TBC1D25: variants seen among roughly 807,000 people sequenced by gnomAD.
The protein encoded by TBC1D25 is 5SN3 snoRNA.
In TBC1D25, 13 loss-of-function variants were observed where a neutral mutation model predicts 38.8. The ratio of observed to expected loss-of-function variants is 0.34; its 90% CI spans 0.22 to 0.53. The LOEUF is 0.53. Among genes scored for constraint, TBC1D25 ranks in the 20% least tolerant of loss-of-function variants. TBC1D25 has a pLI of 0.94. For missense variants in TBC1D25, 372 were observed against 600.0 expected (o/e 0.62, Z 3.97); for synonymous variants, 225 against 255.6 (o/e 0.88, Z 1.14).
rs782173319 is a variant in TBC1D25 at position 48,552,353 on chromosome X, A to AT, written c.389-6525dup. Among the ~76,000 whole-genome samples, 235 of 80,236 alleles carry AT rather than the reference A, an allele frequency of 2.9e-3. 3 individuals carry two copies. Among genetic ancestry groups the AT allele is most frequent in the Middle Eastern group, 6.6e-3 (1 of 151 alleles). The allele number at this position is 80,236 out of a possible 115,157, so 69.7% of individuals were successfully genotyped here. A position where few individuals can be genotyped will look rare whatever the true frequency, so the allele number is the denominator to read the frequency against. On this transcript the variant is annotated intron_variant, in intron 3 of 5. Transcript: ENST00000376771. ...AGGCACACACCATCATGCCCGGCTA[A>AT]TTTTTTTTTTTTTTTTTTTGAGATG...
At chrX:48,540,412 A>C (rs1260276687) in intron 1 of TBC1D25, among the ~76,000 whole-genome samples, 3 of 112,367 alleles carry the variant, frequency 2.7e-5, no homozygotes, top group Non-Finnish European at 5.6e-5. Context: ...ACGTTAGCCA[A>C]GGTTGTACAG....
chrX:48,551,296 AGTTTGT>A (rs1280219560), intron 3 of TBC1D25, among the ~76,000 whole-genome samples: 1 of 108,727 alleles, frequency 9.2e-6, no homozygotes, highest in Non-Finnish European at 1.9e-5. Context: ...CTACTAGGTG[AGTTTGT>A]GTTTGTAGAC....
intron 3 of TBC1D25, among the ~76,000 whole-genome samples, chrX:48,547,703 G>A (rs368577712): frequency 4.5e-5 from 5 of 111,810 alleles, no homozygotes; most frequent in Admixed American, 1.9e-4. Flanking sequence ...TTGGGAGGCC[G>A]AGGCGGGTGG....
chrX:48,544,950 C>T lies in TBC1D25; in HGVS notation c.315C>T (p.Asp105=). The change falls in exon 3 of 6, where the codon GAC becomes GAT. Residue 105 remains aspartate, a synonymous_variant. Transcript: ENST00000376771. The part of the protein sequence containing the change: ...EVYLSLLSDW[D]LSTAFATASK... ...ACCTCTCACTTCTATCTGACTGGGA[C>T]CTCAGCACAGCCTTTGCCACTGCCT... is the stretch of plus-strand genomic sequence containing the variant. 1 of 1,211,909 alleles carries T rather than the reference C, an allele frequency of 8.3e-7. No individual in the cohort carries two copies. The highest frequency in any genetic ancestry group is 1.1e-6 in the Non-Finnish European group (1 of 895,559).
chrX:48,540,286 G>A (rs1556979887), intron 1 of TBC1D25, among the ~76,000 whole-genome samples: 1 of 111,742 alleles, frequency 8.9e-6, no homozygotes, highest in African/African-American at 3.3e-5. Context: ...TGTTGAGAGT[G>A]CACTTATGTG....
Position 48,547,592 on chromosome X carries a change from GAGAC to G in TBC1D25, c.388+2577_388+2580del, listed in dbSNP as rs199927103. Among the ~76,000 whole-genome samples, 493 of 112,321 alleles carry G rather than the reference GAGAC, an allele frequency of 4.4e-3. 14 individuals carry two copies. The highest frequency in any genetic ancestry group is 0.04 in the Admixed American group (421 of 10,484). On this transcript the variant is annotated intron_variant, in intron 3 of 5. Coordinates refer to ENST00000376771, the MANE Select transcript of TBC1D25 (RefSeq NM_002536.4). ...CTGGGACGAATGCCAGTAAAGCAGA[GAGAC>G]AGACAGAAAGACACCCAGTAGTCTG...
At chrX:48,550,069 C>T (rs1029993463) in intron 3 of TBC1D25, among the ~76,000 whole-genome samples, 10 of 109,997 alleles carry the variant, frequency 9.1e-5, no homozygotes, top group Admixed American at 6.9e-4. Flanking sequence ...TCACTGCAGC[C>T]GCCGTCTCCT....
chrX:48,552,603 G>A (rs781822243), intron 3 of TBC1D25, among the ~76,000 whole-genome samples: 4 of 109,530 alleles, frequency 3.7e-5, no homozygotes, highest in Admixed American at 9.9e-5. Context: ...TGCCTGCCTC[G>A]GCCTCCCAAA....
Position 48,558,972 on chromosome X carries a change from G to A in TBC1D25, c.464G>A (p.Arg155Gln), listed in dbSNP as rs782266366. The part of the protein sequence containing the change: ...IGSDVLLAEK[R>Q]SSLTTAALPF... ...TCCGACGTGTTGCTGGCTGAGAAAC[G>A]GTCATCACTGACGACTGCCGCCCTG... The change falls in exon 4 of 6, where the codon CGG (arginine) becomes CAG (glutamine). Residue 155 changes from arginine (R) to glutamine (Q), a missense_variant. Physicochemically the swap from Arg to Gln is conservative, Grantham distance 43. Coordinates refer to ENST00000376771, the MANE Select transcript of TBC1D25 (RefSeq NM_002536.4). 5.0e-6 allele frequency: 6 copies of A among 1,209,619 alleles called. No homozygotes were observed. The highest frequency in any genetic ancestry group is 3.5e-5 in the South Asian group (2 of 56,807).
chrX:48,546,303 G>A (rs1401274003), intron 3 of TBC1D25, among the ~76,000 whole-genome samples: 1 of 107,969 alleles, frequency 9.3e-6, no homozygotes, highest in African/African-American at 3.4e-5. Flanking sequence ...CACAAGGTCA[G>A]GAGATCGAGA....
At chrX:48,556,171 G>A (rs2061973483) in intron 3 of TBC1D25, among the ~76,000 whole-genome samples, 2 of 110,341 alleles carry the variant, frequency 1.8e-5, no homozygotes, top group Admixed American at 9.8e-5. Context: ...CTCAGTGAGG[G>A]GAAACTTTGG....
chrX:48,555,637 G>T (rs1602115169), intron 3 of TBC1D25, among the ~76,000 whole-genome samples: 1 of 110,943 alleles, frequency 9.0e-6, no homozygotes, highest in East Asian at 2.9e-4. Flanking sequence ...GTGGGCCCAG[G>T]GTACCGGCAC....
chrX:48,541,270 C>A, intron 1 of TBC1D25, 63 bp from the exon 2 acceptor site: 1 of 1,017,672 alleles, frequency 9.8e-7, no homozygotes, highest in Non-Finnish European at 1.4e-6. Context: ...TACCACTCTG[C>A]ACCTCACTCT....
At chrX:48,553,149 C>T (rs1307735816) in intron 3 of TBC1D25, among the ~76,000 whole-genome samples, 2 of 110,052 alleles carry the variant, frequency 1.8e-5, no homozygotes, top group African/African-American at 6.6e-5. Flanking sequence ...CACACTAAGT[C>T]ACTTATGTTT....
chrX:48,555,643 G>A (rs782170372), intron 3 of TBC1D25, among the ~76,000 whole-genome samples: 7 of 110,814 alleles, frequency 6.3e-5, no homozygotes, highest in South Asian at 7.7e-4. Context: ...CCAGGGTACC[G>A]GCACACTCAG....
chrX:48,541,486 T>A, intron 2 of TBC1D25, 44 bp downstream of exon 2: 1 of 1,126,784 alleles, frequency 8.9e-7, no homozygotes. Context: ...GCCACCGACC[T>A]CTACAGTGGC....
At position 48,539,926 on chromosome X, in the gene TBC1D25, G is replaced by T; in HGVS notation, c.123+6G>T. On this transcript the variant is annotated splice_donor_region_variant and intron_variant, in intron 1 of 5. Transcript: ENST00000376771. ...TGGTGCGGGTCCGAGTCAAGGTGAG[G>T]CTGGCGGTGAGTCGGCCCAGCCGCC... The T allele has an allele frequency of 7.4e-6, 7 of 951,283 alleles. No individual in the cohort carries two copies. Among genetic ancestry groups the T allele is most frequent in the Non-Finnish European group, 9.2e-6 (7 of 759,185 alleles). The allele number at this position is 951,283 out of a possible 1,213,427, so 78.4% of individuals were successfully genotyped here.
At position 48,539,759 on chromosome X, in the gene TBC1D25, G is replaced by C; in HGVS notation, c.-39G>C. The C allele has an allele frequency of 1.1e-6, 1 of 945,477 alleles. No homozygotes were observed. The highest frequency in any genetic ancestry group is 1.3e-6 in the Non-Finnish European group (1 of 757,989). The allele number at this position is 945,477 out of a possible 1,213,427, so 77.9% of individuals were successfully genotyped here. A position where few individuals can be genotyped will look rare whatever the true frequency, so the allele number is the denominator to read the frequency against. ...AGTAGAGTGTGCGCCGGGGTGGGGG[G>C]CAACGGTCAGCCGTCACCCTGAGAC... On this transcript the variant is annotated 5_prime_UTR_variant, in exon 1 of 6. Coordinates refer to ENST00000376771, the MANE Select transcript of TBC1D25 (RefSeq NM_002536.4).
chrX:48,541,165 GC>G, intron 1 of TBC1D25, 167 bp from the exon 2 acceptor site: 3 of 478,601 alleles, frequency 6.3e-6, no homozygotes, highest in Non-Finnish European at 1.1e-5. Context: ...AGGATTGGGG[GC>G]CTGAACTCTT....
Sources: gnomAD v4.1 joint callset for allele counts (sites outside exome capture counted in the v4.1 genomes callset) on GRCh38, gnomAD v4.1.1 for gene constraint, MANE v1.5 for transcripts, NCBI Gene and HGNC (gene_info 2026-07-23, HGNC 2026-07-21) for gene names.